The following GLI2 variants were observed in gnomAD, a reference collection of about 807,000 sequenced individuals.
GLI2 encodes the protein transcription activator GLI2.
A neutral mutation model predicts 78.9 loss-of-function variants in GLI2; 22 were observed. The observed-to-expected ratio is 0.28, with a 90% CI of 0.20 to 0.40. The LOEUF is 0.40. Among genes scored for constraint, GLI2 ranks in the 10% least tolerant of loss-of-function variants. The pLI is 1.00. For synonymous variants in GLI2, 974 were observed against 963.7 expected, an observed-to-expected ratio of 1.01 and a Z score of -0.20; for missense variants, 2,097 against 2,213.2, an observed-to-expected ratio of 0.95 and a Z score of 1.05.
intron 1 of GLI2, among the ~76,000 whole-genome samples, chr2:120,754,434 C>A (rs866275817): frequency 1.3e-5 from 2 of 151,796 alleles, no homozygotes; most frequent in Non-Finnish European, 2.9e-5. Flanking sequence ...TGTAATCTGT[C>A]CCCCCACCCC....
At chr2:120,904,772 C>T (rs1472522391) in intron 2 of GLI2, among the ~76,000 whole-genome samples, 1 of 152,122 alleles carries the variant, frequency 6.6e-6, no homozygotes, top group African/African-American at 2.4e-5. Context: ...GGTGTTTCTC[C>T]TATGCCTCCA....
At chr2:120,739,637 C>G (rs993377296) in intron 1 of GLI2, among the ~76,000 whole-genome samples, 1 of 152,224 alleles carries the variant, frequency 6.6e-6, no homozygotes, top group African/African-American at 2.4e-5. Flanking sequence ...GCCAGGTGGA[C>G]CTCGCTGTGG....
chr2:120,798,307 G>T (rs1573391437), intron 2 of GLI2, among the ~76,000 whole-genome samples: 1 of 152,172 alleles, frequency 6.6e-6, no homozygotes. Flanking sequence ...GTTGTTGGGG[G>T]CTTGTTTTGG....
chr2:120,921,277 T>G (rs1679367463), intron 2 of GLI2, among the ~76,000 whole-genome samples: 1 of 150,760 alleles, frequency 6.6e-6, no homozygotes, highest in African/African-American at 2.5e-5. Flanking sequence ...TGGGGGGTGT[T>G]GGGGTGCTGT....
chr2:120,753,245 G>A (rs1306964960), intron 1 of GLI2, among the ~76,000 whole-genome samples: 1 of 151,998 alleles, frequency 6.6e-6, no homozygotes, highest in Non-Finnish European at 1.5e-5. Context: ...ATAGGCGTCC[G>A]CCACCACGCC....
intron 2 of GLI2, among the ~76,000 whole-genome samples, chr2:120,886,497 A>G (rs887548101): frequency 3.3e-5 from 5 of 152,024 alleles, no homozygotes; most frequent in Non-Finnish European, 2.9e-5. Flanking sequence ...GAACTCCTGG[A>G]CTCAAGTGAT....
rs564254987 is a variant in GLI2 at position 120,990,585 on chromosome 2, C to T, written c.4620C>T (p.Pro1540=). ...ACTCCTTGACCCTGCCCTCCATCCCCGCAGGCATCAGCAACATGGCTGTCG... is the reference window on the plus strand; with the variant it reads ...ACTCCTTGACCCTGCCCTCCATCCCTGCAGGCATCAGCAACATGGCTGTCG... The part of the protein sequence containing the change: ...PRNSLTLPSI[P]AGISNMAVGD... The change falls in exon 14 of 14, where the codon CCC becomes CCT. Residue 1540 remains proline (P), a synonymous_variant. Coordinates refer to ENST00000361492, the MANE Select transcript of GLI2 (RefSeq NM_001374353.1). The T allele has an allele frequency of 6.1e-5, 98 of 1,614,012 alleles. 1 individual carries two copies. In the South Asian group the frequency reaches 7.2e-4, roughly 12 times the overall value.
intron 2 of GLI2, among the ~76,000 whole-genome samples, chr2:120,827,120 C>T (rs188747914): frequency 9.8e-4 from 150 of 152,328 alleles, no homozygotes; most frequent in Non-Finnish European, 4.0e-4. Context: ...ATGAGTGCTT[C>T]AGGGACCTCT....
At chr2:120,832,577 C>T (rs1256385777) in intron 2 of GLI2, among the ~76,000 whole-genome samples, 1 of 152,220 alleles carries the variant, frequency 6.6e-6, no homozygotes, top group Non-Finnish European at 1.5e-5. Context: ...CTCCCACCCC[C>T]AGCCCAGGGC....
At chr2:120,945,228 A>G (rs981012672) in intron 3 of GLI2, among the ~76,000 whole-genome samples, 1 of 152,366 alleles carries the variant, frequency 6.6e-6, no homozygotes, top group South Asian at 2.1e-4. Flanking sequence ...GTCAGCCGTG[A>G]GGCCGGGCTC....
intron 2 of GLI2, 119 bp from the exon 3 acceptor site, chr2:120,927,242 A>T (rs1330955845): frequency 1.3e-6 from 1 of 797,038 alleles, no homozygotes; most frequent in African/African-American, 1.7e-5. Context: ...GGCACTGCGG[A>T]GCCCCTTGTC....
chr2:120,843,629 G>A (rs781209251), intron 2 of GLI2, among the ~76,000 whole-genome samples: 94 of 152,284 alleles, frequency 6.2e-4, no homozygotes, highest in Non-Finnish European at 9.7e-4. Flanking sequence ...TTCCACGGGC[G>A]TCAGAGGGGC....
chr2:120,736,881 CCT>C (rs1183172122), intron 1 of GLI2, among the ~76,000 whole-genome samples: 1 of 150,282 alleles, frequency 6.7e-6, no homozygotes, highest in Non-Finnish European at 1.5e-5. Context: ...CTCGGCCCCC[CCT>C]CTTTGCCTCT....
intron 5 of GLI2, among the ~76,000 whole-genome samples, chr2:120,963,817 G>A (rs778323926): frequency 1.1e-4 from 16 of 152,264 alleles, no homozygotes; most frequent in Middle Eastern, 3.2e-3. Context: ...GAGCATAACA[G>A]CCCCTTCTTT....
chr2:120,871,824 G>C (rs1359406328), intron 2 of GLI2, among the ~76,000 whole-genome samples: 1 of 152,186 alleles, frequency 6.6e-6, no homozygotes, highest in Non-Finnish European at 1.5e-5. Flanking sequence ...ATGAGTTATT[G>C]TTGGAGACTT....
intron 5 of GLI2, among the ~76,000 whole-genome samples, chr2:120,962,653 A>G (rs1040170984): frequency 1.3e-5 from 2 of 152,192 alleles, no homozygotes; most frequent in Non-Finnish European, 2.9e-5. Context: ...CCGGTCATAA[A>G]TCACAGGAGA....
At chr2:120,797,150 A>T (rs1289556958) in intron 1 of GLI2, 141 bp from the exon 2 acceptor site, 2 of 712,820 alleles carry the variant, frequency 2.8e-6, no homozygotes, top group African/African-American at 3.5e-5. Context: ...TCTCAAAATT[A>T]ATTAAACCCT....
chr2:120,793,529 C>T (rs910640999), intron 1 of GLI2, among the ~76,000 whole-genome samples: 49 of 152,178 alleles, frequency 3.2e-4, no homozygotes, highest in Admixed American at 2.7e-3. Context: ...GGACCCTGGG[C>T]GCCTGGTGTT....
At position 120,896,351 on chromosome 2, in the gene GLI2, G is replaced by A. The variant is rs1292492409; in HGVS notation, c.149-31010G>A. On this transcript the variant is annotated intron_variant, in intron 2 of 13. Transcript: ENST00000361492. Reference sequence around the variant, plus strand: ...GGCCATGACCCCAGAAGGCTGTTTGGGGTCCAGAGGGAGCCCAGAGGGGCC... The same window carrying A: ...GGCCATGACCCCAGAAGGCTGTTTGAGGTCCAGAGGGAGCCCAGAGGGGCC... Among the ~76,000 whole-genome samples the A allele has an allele frequency of 2.0e-5, 3 of 152,188 alleles. No individual in the cohort carries two copies. In the East Asian group the frequency reaches 5.8e-4, roughly 29 times the overall value.
Sources: gnomAD v4.1 joint callset for allele counts (sites outside exome capture counted in the v4.1 genomes callset) on GRCh38, gnomAD v4.1.1 for gene constraint, MANE v1.5 for transcripts, NCBI Gene and HGNC (gene_info 2026-07-23, HGNC 2026-07-21) for gene names.